Variants in RAPGEF4 observed in about 807,000 individuals in gnomAD.
RAPGEF4 encodes RAP guanine-nucleotide-exchange factor (GEF) 4.
RAPGEF4 carries 66 observed loss-of-function variants against 147.9 expected under a neutral mutation model. The ratio of observed to expected loss-of-function variants is 0.45; its 90% CI spans 0.37 to 0.55. RAPGEF4 has a LOEUF of 0.55. Among genes scored for constraint, RAPGEF4 ranks in the 20% least tolerant of loss-of-function variants. RAPGEF4 has a pLI of 0.00. For synonymous variants in RAPGEF4, 419 were observed against 442.7 expected (o/e 0.95, Z 0.67); for missense variants, 1,071 against 1,257.3 (o/e 0.85, Z 2.24).
intron 4 of RAPGEF4, among the ~76,000 whole-genome samples, chr2:172,870,651 G>A (rs778984524): frequency 2.0e-5 from 3 of 152,090 alleles, no homozygotes; most frequent in African/African-American, 7.2e-5. Context: ...CAGTCACGGT[G>A]GGATGTTTCA....
At chr2:172,773,616 A>ACACTGCCTCCCTG (rs1559034333) in intron 1 of RAPGEF4, among the ~76,000 whole-genome samples, 15 of 107,928 alleles carry the variant, frequency 1.4e-4, no homozygotes, top group South Asian at 3.3e-4. Context: ...TTCCCTCCCC[A>ACACTGCCTCCCTG]CCCCACACTG....
intron 6 of RAPGEF4, among the ~76,000 whole-genome samples, chr2:172,946,622 C>T (rs2105359666): frequency 6.6e-6 from 1 of 152,330 alleles, no homozygotes; most frequent in Non-Finnish European, 1.5e-5. Context: ...CTCTCACTAT[C>T]AAGCCCTGTT....
At position 172,983,499 on chromosome 2, in the gene RAPGEF4, T is replaced by G; in HGVS notation, c.1008T>G (p.Pro336=). 1 of 1,605,892 alleles carries G rather than the reference T, an allele frequency of 6.2e-7. No individual in the cohort carries two copies. Among genetic ancestry groups the G allele is most frequent in the East Asian group, 2.2e-5 (1 of 44,812 alleles). ...TTTTTTTTTTTTATCTTTGTAGACCTGGCCAGAGGACTGTGGATGACCTAG... is the reference window on the plus strand; with the variant it reads ...TTTTTTTTTTTTATCTTTGTAGACCGGGCCAGAGGACTGTGGATGACCTAG... ...AHMRMILRKP[P]GQRTVDDLEI... The change falls in exon 11 of 31, where the codon CCT becomes CCG. Residue 336 remains proline, a synonymous_variant. Transcript: ENST00000397081.
intron 4 of RAPGEF4, among the ~76,000 whole-genome samples, chr2:172,911,468 G>GT (rs150247498): frequency 0.015 from 2,217 of 151,946 alleles, 50 homozygotes; most frequent in East Asian, 0.11. Flanking sequence ...TGCCTTTTTT[G>GT]TTTTTTTGGA....
intron 3 of RAPGEF4, among the ~76,000 whole-genome samples, chr2:172,801,724 A>T (rs1253514160): frequency 6.6e-6 from 1 of 152,098 alleles, no homozygotes; most frequent in Admixed American, 6.5e-5. Context: ...GTGGTTGTAT[A>T]GGTGCCAACC....
intron 2 of RAPGEF4, among the ~76,000 whole-genome samples, chr2:172,795,871 T>C (rs898932858): frequency 9.2e-5 from 14 of 152,230 alleles, no homozygotes; most frequent in African/African-American, 3.1e-4. Flanking sequence ...TCTGAGGTGT[T>C]GGGCTTTGTC....
intron 6 of RAPGEF4, among the ~76,000 whole-genome samples, chr2:172,955,505 C>G (rs576021554): frequency 6.6e-6 from 1 of 152,174 alleles, no homozygotes; most frequent in African/African-American, 2.4e-5. Flanking sequence ...TTATCTGTCC[C>G]CCCTGCCTCG....
intron 6 of RAPGEF4, among the ~76,000 whole-genome samples, chr2:172,945,297 G>A (rs997921990): frequency 3.8e-4 from 58 of 152,146 alleles, no homozygotes; most frequent in African/African-American, 1.3e-3. Flanking sequence ...GATCATGTTT[G>A]TTTTGATGAG....
At chr2:172,834,611 C>T (rs1032674135) in intron 4 of RAPGEF4, among the ~76,000 whole-genome samples, 8 of 152,030 alleles carry the variant, frequency 5.3e-5, no homozygotes, top group South Asian at 2.1e-4. Flanking sequence ...CTGCTTTTTT[C>T]TTCTTCTTCT....
intron 1 of RAPGEF4, among the ~76,000 whole-genome samples, chr2:172,749,638 G>A (rs1366408889): frequency 2.6e-5 from 4 of 152,176 alleles, no homozygotes; most frequent in Admixed American, 6.5e-5. Context: ...CCCTGGAGAC[G>A]TTTTTCTCCA....
At chr2:172,790,120 AT>A (rs202013671) in intron 1 of RAPGEF4, among the ~76,000 whole-genome samples, 1,998 of 146,314 alleles carry the variant, frequency 0.014, 25 homozygotes, top group African/African-American at 0.037. Context: ...CCTCACCAAC[AT>A]TTTTTTTTTT....
rs1396464641 is a variant in RAPGEF4 at position 172,784,688 on chromosome 2, A to G, written c.66-10337A>G. Among the ~76,000 whole-genome samples the G allele has an allele frequency of 3.4e-5, 5 of 147,834 alleles. No individual in the cohort carries two copies. The Admixed American group carries it at 3.4e-4, about 10-fold the overall frequency. ...AGTGGTTAATAATCATATAATTAAAATAATAACATAAGTGGTAAACATCTT... is the reference window on the plus strand; with the variant it reads ...AGTGGTTAATAATCATATAATTAAAGTAATAACATAAGTGGTAAACATCTT... On this transcript the variant is annotated intron_variant, in intron 1 of 30. Transcript: ENST00000397081.
At chr2:172,951,739 C>T (rs1009273289) in intron 6 of RAPGEF4, among the ~76,000 whole-genome samples, 1 of 152,122 alleles carries the variant, frequency 6.6e-6, no homozygotes, top group African/African-American at 2.4e-5. Flanking sequence ...TCAGAGGTTG[C>T]AAGGAGCCAG....
At chr2:172,794,811 C>T (rs1424389479) in intron 1 of RAPGEF4, among the ~76,000 whole-genome samples, 1 of 152,086 alleles carries the variant, frequency 6.6e-6, no homozygotes, top group Non-Finnish European at 1.5e-5. Flanking sequence ...GTAGCATCTG[C>T]AATAGTAGTG....
intron 6 of RAPGEF4, among the ~76,000 whole-genome samples, chr2:172,925,781 GA>G (rs1559124548): frequency 4.3e-5 from 3 of 70,040 alleles, no homozygotes; most frequent in Non-Finnish European, 1.0e-4. Flanking sequence ...GAAAGAAAGA[GA>G]GAGAGAGAGA....
chr2:172,962,356 GA>G (rs1166692695), intron 8 of RAPGEF4, among the ~76,000 whole-genome samples: 1 of 152,066 alleles, frequency 6.6e-6, no homozygotes, highest in African/African-American at 2.4e-5. Context: ...TGAAAAACTA[GA>G]ATACAAATTT....
At chr2:172,761,600 A>G (rs1269359297) in intron 1 of RAPGEF4, among the ~76,000 whole-genome samples, 1 of 152,210 alleles carries the variant, frequency 6.6e-6, no homozygotes, top group African/African-American at 2.4e-5. Context: ...GCCAAGAAGA[A>G]TTACTAAAAG....
intron 1 of RAPGEF4, among the ~76,000 whole-genome samples, chr2:172,758,501 G>C (rs1559026028): frequency 6.6e-6 from 1 of 152,206 alleles, no homozygotes; most frequent in Non-Finnish European, 1.5e-5. Flanking sequence ...AGAAGGGAGA[G>C]CTATAAGGAA....
chr2:172,983,463 T>C (rs1402595959), intron 10 of RAPGEF4, 33 bp from the exon 11 acceptor site: 3 of 1,580,600 alleles, frequency 1.9e-6, no homozygotes, highest in South Asian at 1.2e-5. Context: ...ATGCCCTTTT[T>C]CCATATTCCT....
Sources: allele counts gnomAD v4.1 joint callset (sites outside exome capture counted in the v4.1 genomes callset), GRCh38; gene constraint gnomAD v4.1.1; transcripts MANE v1.5; gene names NCBI Gene and HGNC (gene_info 2026-07-23, HGNC 2026-07-21).